Variants in LARS2 observed in about 807,000 individuals in gnomAD.
LARS2 encodes leucyl-tRNA synthetase 2, mitochondrial, also known as leucine--tRNA ligase, mitochondrial.
Under a neutral mutation model 116.6 loss-of-function variants are expected in LARS2, and 81 were observed. The observed-to-expected ratio is 0.69, with a 90% CI of 0.58 to 0.84. The LOEUF (loss-of-function observed/expected upper bound fraction) is 0.84. Ranked by LOEUF, LARS2 falls within the 40% of genes least tolerant of loss-of-function variation. The pLI, the probability that LARS2 is intolerant of heterozygous loss-of-function variation, is 0.00. For missense variants in LARS2, 968 were observed against 1,114.5 expected (o/e 0.87, Z 1.87); for synonymous variants, 396 against 407.2 (o/e 0.97, Z 0.33).
intron 12 of LARS2, among the ~76,000 whole-genome samples, chr3:45,491,208 C>G (rs1429181162): frequency 6.6e-6 from 1 of 152,160 alleles, no homozygotes; most frequent in African/African-American, 2.4e-5. Context: ...GCCCACAATA[C>G]TTTTAGAGGC....
chr3:45,458,629 G>A, intron 7 of LARS2, 114 bp from the exon 8 acceptor site: 1 of 1,011,528 alleles, frequency 9.9e-7, no homozygotes, highest in East Asian at 2.5e-5. Context: ...GGAGGTTGCA[G>A]TGAGTCGAGA....
intron 21 of LARS2, 24 bp downstream of exon 21, chr3:45,541,980 GA>G (rs1290737878): frequency 2.4e-5 from 39 of 1,613,012 alleles, no homozygotes; most frequent in Non-Finnish European, 3.3e-5. Context: ...CTCAACCCCA[GA>G]ACCCAGCAGT....
chr3:45,518,138 T>A (rs1354664493), intron 18 of LARS2, 66 bp downstream of exon 18: 12 of 1,275,428 alleles, frequency 9.4e-6, no homozygotes, highest in Non-Finnish European at 1.1e-5. Flanking sequence ...CCTTTGCCTG[T>A]GGTCTTTGCT....
At chr3:45,418,111 A>T (rs1373580881) in intron 5 of LARS2, among the ~76,000 whole-genome samples, 4 of 152,182 alleles carry the variant, frequency 2.6e-5, no homozygotes, top group African/African-American at 9.7e-5. Flanking sequence ...CTTCTACTAC[A>T]CGTGGGCCAG....
chr3:45,472,997 C>G (rs79411705), intron 8 of LARS2, among the ~76,000 whole-genome samples: 3,364 of 152,268 alleles, frequency 0.022, 91 homozygotes, highest in African/African-American at 0.069. Flanking sequence ...CCCTTGAGTA[C>G]AGGGAATTAA....
rs373279726 is a variant in LARS2, at chr3:45,519,490, C to CAA, written c.2215-714_2215-713dup. Among the ~76,000 whole-genome samples, 269 of 105,858 alleles carry CAA rather than the reference C, an allele frequency of 2.5e-3. 1 individual carries two copies. Among genetic ancestry groups the CAA allele is most frequent in the Non-Finnish European group, 3.8e-3 (201 of 53,562 alleles). The allele number at this position is 105,858 out of a possible 152,430, so 69.4% of individuals were successfully genotyped here. On this transcript the variant is annotated intron_variant, in intron 18 of 21. Coordinates refer to ENST00000645846, the MANE Select transcript of LARS2 (RefSeq NM_015340.4). ...TGGGTGACAAAGCGAGTCTCCGTCT[C>CAA]AAAAAAAAAAAAAAAAGTAAAATTA...
chr3:45,419,737 A>T lies in LARS2; in HGVS notation c.516+8A>T. 6.2e-7 allele frequency: 1 copy of T among 1,610,820 alleles called. No individual in the cohort carries two copies. The highest frequency in any genetic ancestry group is 8.5e-7 in the Non-Finnish European group (1 of 1,177,026). ...TGTTTCAGCTGGGATAGGGTAAGTC[A>T]ACTCTTTTTCCTGAAAGGTCGTCAT... On this transcript the variant is annotated splice_region_variant and intron_variant, in intron 6 of 21. Coordinates refer to ENST00000645846, the MANE Select transcript of LARS2 (RefSeq NM_015340.4).
Position 45,424,560 on chromosome 3 carries a change from T to G in LARS2, c.516+4831T>G, listed in dbSNP as rs527544370. Among the ~76,000 whole-genome samples the G allele has an allele frequency of 7.3e-4, 111 of 151,430 alleles. 1 individual carries two copies. Among genetic ancestry groups the G allele is most frequent in the African/African-American group, 2.3e-3 (96 of 41,178 alleles). On this transcript the variant is annotated intron_variant, in intron 6 of 21. Transcript: ENST00000645846. ...ATATGATTTAATTACATGTGTAGAT[T>G]TGTGTAACCACCACCACCTGATCCG...
chr3:45,417,546 A>G lies in LARS2; in HGVS notation c.428A>G (p.Asn143Ser), dbSNP rs1698449994. The change falls in exon 5 of 22, where the codon AAT (asparagine) becomes AGT (serine). Residue 143 changes from asparagine to serine, a missense_variant. Transcript: ENST00000645846. The stretch of plus-strand genomic sequence containing the variant: ...GCTGAAAATGCCGCAGTCGAGAGGA[A>G]TCTACATCCACAAAGTTGGACACAA... Reference protein sequence around the residue: ...LPAENAAVERNLHPQSWTQSN... With the variant: ...LPAENAAVERSLHPQSWTQSN... The G allele has an allele frequency of 2.5e-6, 4 of 1,613,736 alleles. No homozygotes were observed. The highest frequency in any genetic ancestry group is 3.4e-6 in the Non-Finnish European group (4 of 1,179,758).
In LARS2 at chr3:45,513,203, A is replaced by G. The variant is rs1700315144; in HGVS notation, c.1829A>G (p.Gln610Arg). 2 of 1,613,374 alleles carry G rather than the reference A, an allele frequency of 1.2e-6. No individual in the cohort carries two copies. The highest frequency in any genetic ancestry group is 1.7e-6 in the Non-Finnish European group (2 of 1,179,256). ...KGQTFRLPSG[Q>R]YLQREEVDLT... ...CAGACATTCCGCCTACCATCTGGAC[A>G]GTATCTACAGAGAGAGGAAGTGGAT... Residue 610 changes from glutamine to arginine, a missense_variant, in exon 16 of 22, where the codon CAG (glutamine) becomes CGG (arginine). Gln to Arg is a conservative substitution (Grantham distance 43). Transcript: ENST00000645846.
intron 7 of LARS2, among the ~76,000 whole-genome samples, chr3:45,447,362 T>C (rs1185106263): frequency 6.6e-6 from 1 of 152,218 alleles, no homozygotes; most frequent in Admixed American, 6.5e-5. Flanking sequence ...TGGGGTACTA[T>C]GGTTTGGATG....
At chr3:45,399,208 G>A (rs1472132863) in intron 3 of LARS2, among the ~76,000 whole-genome samples, 1 of 152,084 alleles carries the variant, frequency 6.6e-6, no homozygotes, top group Non-Finnish European at 1.5e-5. Context: ...CATTTTTGTT[G>A]AAAGATAGGC....
intron 12 of LARS2, among the ~76,000 whole-genome samples, chr3:45,490,218 C>T (rs2125731418): frequency 6.6e-6 from 1 of 152,224 alleles, no homozygotes; most frequent in East Asian, 1.9e-4. Flanking sequence ...AGCGAAATCA[C>T]AGTGTCTGTA....
Position 45,541,921 on chromosome 3 carries a change from C to A in LARS2, c.2497C>A (p.Leu833Met). ...ATGGCCTGCTGTGGACCCGGAGTTC[C>A]TGCAGCAGCCTGAGGTTGTCCAGAT... ...QAWPAVDPEFLQQPEVVQMAV... is the reference protein window; with the variant it reads ...QAWPAVDPEFMQQPEVVQMAV... Residue 833 changes from leucine (L) to methionine (M), a missense_variant, in exon 21 of 22, where the codon CTG (leucine) becomes ATG (methionine). Leu to Met is a conservative substitution (Grantham distance 15, BLOSUM62 2). Coordinates refer to ENST00000645846, the MANE Select transcript of LARS2 (RefSeq NM_015340.4). The A allele has an allele frequency of 1.2e-6, 2 of 1,614,262 alleles. No homozygotes were observed. The highest frequency in any genetic ancestry group is 1.7e-6 in the Non-Finnish European group (2 of 1,180,044).
chr3:45,463,875 G>A (rs898224531), intron 8 of LARS2, among the ~76,000 whole-genome samples: 1 of 152,024 alleles, frequency 6.6e-6, no homozygotes, highest in Non-Finnish European at 1.5e-5. Flanking sequence ...TCTGCCCAGC[G>A]GTCCAAGGAG....
intron 8 of LARS2, among the ~76,000 whole-genome samples, chr3:45,460,852 A>C (rs975909239): frequency 4.6e-5 from 7 of 152,212 alleles, no homozygotes; most frequent in Non-Finnish European, 1.0e-4. Flanking sequence ...TGACAAAATC[A>C]AAATAGACTC....
chr3:45,393,232 T>C (rs1374608426), intron 2 of LARS2, among the ~76,000 whole-genome samples: 1 of 149,234 alleles, frequency 6.7e-6, no homozygotes, highest in Non-Finnish European at 1.5e-5. Flanking sequence ...GCCTCCCTTA[T>C]TGTTTGTTTC....
chr3:45,541,918 T>C lies in LARS2; in HGVS notation c.2494T>C (p.Phe832Leu). 1 of 1,614,070 alleles carries C rather than the reference T, an allele frequency of 6.2e-7. No homozygotes were observed. Among genetic ancestry groups the C allele is most frequent in the Non-Finnish European group, 8.5e-7 (1 of 1,180,002 alleles). Residue 832 changes from phenylalanine (F) to leucine (L), a missense_variant, in exon 21 of 22, where the codon TTC becomes CTC. Physicochemically the swap from Phe to Leu is conservative, Grantham distance 22. Transcript: ENST00000645846. ...GGCATGGCCTGCTGTGGACCCGGAGTTCCTGCAGCAGCCTGAGGTTGTCCA... is the reference window on the plus strand; with the variant it reads ...GGCATGGCCTGCTGTGGACCCGGAGCTCCTGCAGCAGCCTGAGGTTGTCCA... ...LQAWPAVDPE[F>L]LQQPEVVQMA...
At chr3:45,399,627 C>T (rs78515655) in intron 3 of LARS2, among the ~76,000 whole-genome samples, 2,056 of 151,886 alleles carry the variant, frequency 0.014, 50 homozygotes, top group African/African-American at 0.046. Flanking sequence ...GCATTGGGAC[C>T]GCTTTTCTTT....
Sources: allele counts gnomAD v4.1 joint callset (sites outside exome capture counted in the v4.1 genomes callset), GRCh38; gene constraint gnomAD v4.1.1; transcripts MANE v1.5; gene names NCBI Gene and HGNC (gene_info 2026-07-23, HGNC 2026-07-21).